The following ARHGAP6 variants were observed in gnomAD, a reference collection of about 807,000 sequenced individuals.
The protein encoded by ARHGAP6 is Rho GTPase activating protein 6, also known as rho GTPase-activating protein 6.
A neutral mutation model predicts 55.7 loss-of-function variants in ARHGAP6; 16 were observed. The ratio of observed to expected loss-of-function variants is 0.29; its 90% CI spans 0.19 to 0.44. ARHGAP6 has a LOEUF of 0.44. ARHGAP6 is among the 20% of genes least tolerant of loss of function. The pLI is 1.00. For missense variants in ARHGAP6, 698 were observed against 808.9 expected, an observed-to-expected ratio of 0.86 and a Z score of 1.66; for synonymous variants, 382 against 360.9, an observed-to-expected ratio of 1.06 and a Z score of -0.66.
chrX:11,356,202 G>A (rs1048792135), intron 1 of ARHGAP6, among the ~76,000 whole-genome samples: 1 of 109,207 alleles, frequency 9.2e-6, no homozygotes, highest in Non-Finnish European at 1.9e-5. Flanking sequence ...TCATAAGTGG[G>A]AGTTGAACAA....
At chrX:11,520,153 A>G (rs1180531158) in intron 1 of ARHGAP6, among the ~76,000 whole-genome samples, 1 of 71,051 alleles carries the variant, frequency 1.4e-5, no homozygotes, top group African/African-American at 5.2e-5. Context: ...ATATATATAT[A>G]TATATATATA....
At chrX:11,256,184 G>A (rs890980608) in intron 1 of ARHGAP6, among the ~76,000 whole-genome samples, 1 of 112,279 alleles carries the variant, frequency 8.9e-6, no homozygotes, top group Non-Finnish European at 1.9e-5. Flanking sequence ...GAGGTCAGGA[G>A]TTCAAGACCA....
chrX:11,388,767 A>T (rs368423412), intron 1 of ARHGAP6, among the ~76,000 whole-genome samples: 5 of 111,990 alleles, frequency 4.5e-5, no homozygotes, highest in African/African-American at 1.6e-4. Context: ...TCAGCTTTCT[A>T]CATATAAAAT....
At chrX:11,174,132 ACTC>A (rs2046134878) in intron 8 of ARHGAP6, among the ~76,000 whole-genome samples, 1 of 110,804 alleles carries the variant, frequency 9.0e-6, no homozygotes, top group African/African-American at 3.3e-5. Context: ...ATAATAAATA[ACTC>A]CTCTCTTGAT....
intron 1 of ARHGAP6, among the ~76,000 whole-genome samples, chrX:11,552,596 ATATAG>A: frequency 1.4e-5 from 1 of 69,721 alleles, no homozygotes; most frequent in Non-Finnish European, 2.7e-5. Flanking sequence ...ATATATATAT[ATATAG>A]ACACACACAC....
intron 1 of ARHGAP6, among the ~76,000 whole-genome samples, chrX:11,256,272 C>T (rs1318009002): frequency 8.9e-6 from 1 of 111,976 alleles, no homozygotes; most frequent in Non-Finnish European, 1.9e-5. Flanking sequence ...GCCTGTAGTC[C>T]CAGCTACTTG....
At position 11,178,105 on chromosome X, in the gene ARHGAP6, G is replaced by T. The variant is rs2046259279; in HGVS notation, c.1624C>A (p.Gln542Lys). 1 of 1,211,332 alleles carries T rather than the reference G, an allele frequency of 8.3e-7. No individual in the cohort carries two copies. Among genetic ancestry groups the T allele is most frequent in the African/African-American group, 1.7e-5 (1 of 57,704 alleles). ...HADDNISKDG[Q>K]EVTGNKMTSL... ...TGGCAGCAAAGGCATCTTACCTCTT[G>T]CCCATCTTTGCTGATGTTGTCATCG... Residue 542 changes from glutamine to lysine, a missense_variant, in exon 8 of 13, where the codon CAA becomes AAA. Physicochemically the swap from Gln to Lys is moderately conservative, Grantham distance 53. Around this residue, in one of 3 missense-constraint regions of ARHGAP6, gnomAD observed 322 missense variants for 451.1 expected, o/e 0.71. Transcript: ENST00000337414.
At chrX:11,455,485 A>G (rs1569351210) in intron 1 of ARHGAP6, among the ~76,000 whole-genome samples, 1 of 112,226 alleles carries the variant, frequency 8.9e-6, no homozygotes, top group African/African-American at 3.2e-5. Context: ...CTTCAGTAGC[A>G]TTGGGACAAA....
chrX:11,143,399 TATC>T (rs2045646233), intron 11 of ARHGAP6: 1 of 216,520 alleles, frequency 4.6e-6, no homozygotes, highest in Admixed American at 8.9e-5. Flanking sequence ...TAAATACTGT[TATC>T]ATTCTGAGTT....
chrX:11,294,550 T>G (rs932145730), intron 1 of ARHGAP6, among the ~76,000 whole-genome samples: 2 of 112,112 alleles, frequency 1.8e-5, no homozygotes, highest in Non-Finnish European at 3.8e-5. Context: ...TGTAACTTGT[T>G]TAGCCCTCAA....
chrX:11,645,275 G>A (rs1231405705), intron 1 of ARHGAP6, among the ~76,000 whole-genome samples: 1 of 110,995 alleles, frequency 9.0e-6, no homozygotes, highest in Non-Finnish European at 1.9e-5. Context: ...ACAAATTTAT[G>A]CATGTACTAA....
At chrX:11,163,012 G>A (rs995818453) in intron 9 of ARHGAP6, among the ~76,000 whole-genome samples, 7 of 111,707 alleles carry the variant, frequency 6.3e-5, no homozygotes, top group African/African-American at 2.3e-4. Flanking sequence ...AAGAAGAAAC[G>A]AAACCCAGCC....
At chrX:11,139,915 G>C (rs1177666401) in intron 12 of ARHGAP6, among the ~76,000 whole-genome samples, 1 of 111,893 alleles carries the variant, frequency 8.9e-6, no homozygotes, top group African/African-American at 3.3e-5. Flanking sequence ...CTGTAATCCA[G>C]GAGAGATACA....
intron 1 of ARHGAP6, among the ~76,000 whole-genome samples, chrX:11,469,109 A>T (rs1448733720): frequency 1.8e-5 from 2 of 112,689 alleles, no homozygotes; most frequent in Non-Finnish European, 3.8e-5. Context: ...ATAAATGTTT[A>T]CTGTTCAAAC....
At chrX:11,141,321 A>T (rs2045615545) in intron 12 of ARHGAP6, among the ~76,000 whole-genome samples, 1 of 112,140 alleles carries the variant, frequency 8.9e-6, no homozygotes, top group Non-Finnish European at 1.9e-5. Flanking sequence ...GATTAATTTT[A>T]TGAAAGAATT....
At chrX:11,198,848 G>A (rs1569252118) in intron 2 of ARHGAP6, among the ~76,000 whole-genome samples, 1 of 112,262 alleles carries the variant, frequency 8.9e-6, no homozygotes, top group African/African-American at 3.2e-5. Flanking sequence ...AAGTTAAGAC[G>A]TAGACTATTG....
chrX:11,361,498 T>C (rs1405529413), intron 1 of ARHGAP6, among the ~76,000 whole-genome samples: 5 of 110,956 alleles, frequency 4.5e-5, no homozygotes, highest in Non-Finnish European at 9.5e-5. Flanking sequence ...TATACAAAAA[T>C]TAATTCAAGA....
intron 1 of ARHGAP6, among the ~76,000 whole-genome samples, chrX:11,360,409 A>G (rs990576997): frequency 9.1e-6 from 1 of 110,224 alleles, no homozygotes; most frequent in Non-Finnish European, 1.9e-5. Context: ...CAAAAACCAC[A>G]TGATTATCTC....
intron 1 of ARHGAP6, among the ~76,000 whole-genome samples, chrX:11,518,426 G>A (rs1003877197): frequency 1.9e-5 from 2 of 107,113 alleles, no homozygotes; most frequent in African/African-American, 6.8e-5. Context: ...TTACAGGCAT[G>A]AGCCACTGTG....
Sources: gnomAD v4.1 joint callset for allele counts (sites outside exome capture counted in the v4.1 genomes callset) on GRCh38, gnomAD v4.1.1 for gene constraint, gnomAD v4.1.1 regional missense constraint, MANE v1.5 for transcripts, NCBI Gene and HGNC (gene_info 2026-07-23, HGNC 2026-07-21) for gene names.